The following THSD1 variants were observed in gnomAD, a reference collection of about 807,000 sequenced individuals.
THSD1 encodes the protein thrombospondin type 1 domain containing 1.
In THSD1, 34 loss-of-function variants were observed where a neutral mutation model predicts 46.3. The observed-to-expected ratio is 0.74, with a 90% CI of 0.56 to 0.98. THSD1 has a LOEUF of 0.98. THSD1 is among the 50% of genes least tolerant of loss of function. THSD1 has a pLI of 0.00. For synonymous variants in THSD1, 407 were observed against 416.5 expected (o/e 0.98, Z 0.28); for missense variants, 1,023 against 1,058.3 (o/e 0.97, Z 0.46).
rs568936768 is a variant in THSD1, at chr13:52,383,822, T to C, written c.1180+2206A>G. On this transcript the variant is annotated intron_variant, in intron 4 of 4. Transcript: ENST00000258613. Reference sequence around the variant, plus strand: ...CCACATAAGCAATATCTGAGGACCATTTACAGTAGGGGCAGGCAAGTCTGT... The same window carrying C: ...CCACATAAGCAATATCTGAGGACCACTTACAGTAGGGGCAGGCAAGTCTGT... 2.0e-5 allele frequency among the ~76,000 whole-genome samples: 3 copies of C among 152,324 alleles called. No individual in the cohort carries two copies. The South Asian group carries it at 6.2e-4, about 32-fold the overall frequency.
intron 3 of THSD1, among the ~76,000 whole-genome samples, chr13:52,387,980 G>C (rs748970932): frequency 1.3e-5 from 2 of 151,966 alleles, no homozygotes; most frequent in Non-Finnish European, 2.9e-5. Context: ...AGGATAAATA[G>C]AAAAAGCAAT....
Position 52,377,527 on chromosome 13 carries a change from T to C in THSD1, c.2443A>G (p.Thr815Ala). The change falls in exon 5 of 5, where the codon ACG (threonine) becomes GCG (alanine). Residue 815 changes from threonine (T) to alanine (A), a missense_variant. Thr to Ala is a moderately conservative substitution (Grantham distance 58). Transcript: ENST00000258613. ...TCAGCCTCAGTGAGGCCAAACGACG[T>C]ATTGTCATAGAAGGCAAACTCAGGG... ...THPEFAFYDN[T>A]SFGLTEAEQR... is the part of the protein sequence containing the mutation. 6.3e-7 allele frequency: 1 copy of C among 1,599,892 alleles called. No individual in the cohort carries two copies. The highest frequency in any genetic ancestry group is 8.6e-7 in the Non-Finnish European group (1 of 1,168,096).
intron 3 of THSD1, among the ~76,000 whole-genome samples, chr13:52,396,221 C>G (rs940723771): frequency 3.9e-5 from 6 of 152,084 alleles, no homozygotes; most frequent in Admixed American, 2.6e-4. Flanking sequence ...CTGGGCTTAC[C>G]AGGGATAAAG....
chr13:52,377,920 T>C lies in THSD1; in HGVS notation c.2050A>G (p.Arg684Gly), dbSNP rs1051122679. 21 of 1,614,162 alleles carry C rather than the reference T, an allele frequency of 1.3e-5. No individual in the cohort carries two copies. Among genetic ancestry groups the C allele is most frequent in the Non-Finnish European group, 1.8e-5 (21 of 1,180,026 alleles). ...TCTGCCTGCTCGCAGGTCCGCGTCC[T>C]AGAGCTGTAGGCAGGGGCCTGCCGT... Reference protein sequence around the residue: ...TPRQAPAYSSRTRTCEQAEDR... With the variant: ...TPRQAPAYSSGTRTCEQAEDR... The change falls in exon 5 of 5, where the codon AGG becomes GGG. Residue 684 changes from arginine (R) to glycine (G), a missense_variant. Arg to Gly is a moderately radical substitution (Grantham distance 125, BLOSUM62 -2). Around this residue, in one of 3 missense-constraint regions of THSD1, gnomAD observed 578 missense variants for 497.4 expected, o/e 1.16. Transcript: ENST00000258613.
intron 1 of THSD1, among the ~76,000 whole-genome samples, chr13:52,405,221 G>T (rs1021467312): frequency 6.6e-6 from 1 of 152,142 alleles, no homozygotes; most frequent in Non-Finnish European, 1.5e-5. Flanking sequence ...ATTCTCAATG[G>T]CTAACAGCAT....
At chr13:52,385,315 G>T (rs1957722570) in intron 4 of THSD1, among the ~76,000 whole-genome samples, 1 of 152,312 alleles carries the variant, frequency 6.6e-6, no homozygotes, top group Admixed American at 6.5e-5. Context: ...TGTGGAAAAA[G>T]CAAGGACTAT....
chr13:52,385,963 G>A, intron 4 of THSD1, 65 bp downstream of exon 4: 2 of 1,494,396 alleles, frequency 1.3e-6, no homozygotes, highest in Non-Finnish European at 1.8e-6. Context: ...AGGCAGGCCT[G>A]GGTTCAATAT....
chr13:52,386,229 GA>G (rs772766685), intron 3 of THSD1, 43 bp from the exon 4 acceptor site: 211 of 1,596,112 alleles, frequency 1.3e-4, no homozygotes, highest in Non-Finnish European at 1.7e-4. Flanking sequence ...GTTCATTTGA[GA>G]ATCAGTATTT....
chr13:52,401,103 T>C (rs945281099), intron 2 of THSD1, among the ~76,000 whole-genome samples: 4 of 151,356 alleles, frequency 2.6e-5, no homozygotes, highest in African/African-American at 9.7e-5. Context: ...GCCTCCCAAG[T>C]AGCTGAGATT....
Position 52,377,686 on chromosome 13 carries a change from C to T in THSD1, c.2284G>A (p.Gly762Arg), listed in dbSNP as rs1162495333. 2 of 1,609,724 alleles carry T rather than the reference C, an allele frequency of 1.2e-6. No homozygotes were observed. The highest frequency in any genetic ancestry group is 1.3e-5 in the African/African-American group (1 of 74,782). The change falls in exon 5 of 5, where the codon GGA becomes AGA. Residue 762 changes from glycine to arginine, a missense_variant. Transcript: ENST00000258613. Reference sequence around the variant, plus strand: ...ACACTCTTGTGACTGGGGGACGGTCCCCGACGAGCTCTGTGGGGCTCTGTT... The same window carrying T: ...ACACTCTTGTGACTGGGGGACGGTCTCCGACGAGCTCTGTGGGGCTCTGTT... ...ERTEPHRARR[G>R]PSPSHKSVSR...
chr13:52,377,585 A>G lies in THSD1; in HGVS notation c.2385T>C (p.Cys795=). The G allele has an allele frequency of 6.2e-7, 1 of 1,602,546 alleles. No individual in the cohort carries two copies. Among genetic ancestry groups the G allele is most frequent in the South Asian group, 1.1e-5 (1 of 89,912 alleles). ...QRVSSLSPSQ[C]RKDKCQSFPT... ...GGAAGCTTTGACACTTGTCTTTTCTACACTGAGAAGGGCTCAGAGAACTGA... is the reference window on the plus strand; with the variant it reads ...GGAAGCTTTGACACTTGTCTTTTCTGCACTGAGAAGGGCTCAGAGAACTGA... The change falls in exon 5 of 5, where the codon TGT becomes TGC. Residue 795 remains cysteine, a synonymous_variant. Transcript: ENST00000258613.
intron 1 of THSD1, among the ~76,000 whole-genome samples, chr13:52,405,535 G>C (rs188880457): frequency 2.0e-5 from 3 of 152,216 alleles, no homozygotes; most frequent in Admixed American, 2.0e-4. Context: ...CCACAGGTTG[G>C]GTGCAGCGTT....
At chr13:52,402,518 C>T (rs371721253) in intron 2 of THSD1, 25 bp downstream of exon 2, 32 of 1,604,870 alleles carry the variant, frequency 2.0e-5, no homozygotes, top group East Asian at 4.5e-5. Context: ...CTACCAGTAG[C>T]GTTAAGTATA....
At chr13:52,391,311 C>T (rs1242858332) in intron 3 of THSD1, among the ~76,000 whole-genome samples, 1 of 151,124 alleles carries the variant, frequency 6.6e-6, no homozygotes, top group Non-Finnish European at 1.5e-5. Flanking sequence ...CAACTTCCCC[C>T]TGCTCAGGTG....
At chr13:52,396,777 T>C (rs1957815337) in intron 3 of THSD1, among the ~76,000 whole-genome samples, 2 of 152,234 alleles carry the variant, frequency 1.3e-5, no homozygotes, top group South Asian at 2.1e-4. Context: ...ATTCCTATAA[T>C]GAATGACTTA....
chr13:52,384,760 T>G (rs9536049), intron 4 of THSD1, among the ~76,000 whole-genome samples: 8,861 of 152,094 alleles, frequency 0.058, 305 homozygotes, highest in African/African-American at 0.091. Context: ...AAGGTGTATT[T>G]GAGGGAAGTT....
chr13:52,405,574 C>G (rs1393676753), intron 1 of THSD1, among the ~76,000 whole-genome samples: 1 of 152,208 alleles, frequency 6.6e-6, no homozygotes, highest in African/African-American at 2.4e-5. Context: ...GCCCCATCTA[C>G]TCAGCTTCCC....
intron 3 of THSD1, among the ~76,000 whole-genome samples, chr13:52,394,862 A>G (rs546212682): frequency 6.6e-6 from 1 of 152,306 alleles, no homozygotes; most frequent in South Asian, 2.1e-4. Flanking sequence ...GGGGATTTAT[A>G]GGGGGAGAAA....
rs531911861 is a variant in THSD1, at chr13:52,405,207, G to A, written c.-82+824C>T. On this transcript the variant is annotated intron_variant, in intron 1 of 4. Coordinates refer to ENST00000258613, the MANE Select transcript of THSD1 (RefSeq NM_018676.4). ...AGCTGAGAAGGTGGGGAAAAGTTGT[G>A]AATATTCTCAATGGCTAACAGCATC... Among the ~76,000 whole-genome samples, 14 of 152,316 alleles carry A rather than the reference G, an allele frequency of 9.2e-5. No individual in the cohort carries two copies. The South Asian group carries it at 2.9e-3, about 32-fold the overall frequency.
Sources: gnomAD v4.1 joint callset for allele counts (sites outside exome capture counted in the v4.1 genomes callset) on GRCh38, gnomAD v4.1.1 for gene constraint, gnomAD v4.1.1 regional missense constraint, MANE v1.5 for transcripts, NCBI Gene and HGNC (gene_info 2026-07-23, HGNC 2026-07-21) for gene names.